LRMDA: variants seen among roughly 807,000 people sequenced by gnomAD.
The protein encoded by LRMDA is leucine-rich melanocyte differentiation-associated protein.
Under a neutral mutation model 29.8 loss-of-function variants are expected in LRMDA, and 18 were observed. That is an observed-to-expected ratio of 0.60 (90% CI 0.42 to 0.90). LRMDA has a LOEUF of 0.90. Ranked by LOEUF, LRMDA falls within the 40% of genes least tolerant of loss-of-function variation. The pLI is 0.00. For synonymous variants in LRMDA, 125 were observed against 109.4 expected (o/e 1.14, Z -0.89); for missense variants, 273 against 273.9 (o/e 1.00, Z 0.02).
At chr10:75,920,014 T>C (rs1846000974) in intron 2 of LRMDA, among the ~76,000 whole-genome samples, 4 of 152,144 alleles carry the variant, frequency 2.6e-5, no homozygotes, top group Admixed American at 2.0e-4. Flanking sequence ...CTTGACTAAA[T>C]CCCTTGAGTT....
chr10:76,182,406 A>G (rs1004641803), intron 5 of LRMDA, among the ~76,000 whole-genome samples: 1 of 152,208 alleles, frequency 6.6e-6, no homozygotes, highest in African/African-American at 2.4e-5. Context: ...GTGGGGACGC[A>G]GAGACAAACC....
intron 5 of LRMDA, among the ~76,000 whole-genome samples, chr10:76,184,902 A>G (rs1223305199): frequency 6.6e-6 from 1 of 152,224 alleles, no homozygotes; most frequent in Non-Finnish European, 1.5e-5. Flanking sequence ...CATATTGGCA[A>G]CTTGTCATAA....
intron 5 of LRMDA, among the ~76,000 whole-genome samples, chr10:76,169,834 A>G (rs766374007): frequency 2.0e-5 from 3 of 152,216 alleles, no homozygotes. Context: ...ATTGGGTGTG[A>G]TAGGAGAATT....
chr10:75,691,280 C>A (rs1236840011), intron 2 of LRMDA, among the ~76,000 whole-genome samples: 3 of 134,556 alleles, frequency 2.2e-5, no homozygotes, highest in East Asian at 4.7e-4. Flanking sequence ...ATATATATAT[C>A]TTTTTCTGGT....
intron 6 of LRMDA, among the ~76,000 whole-genome samples, chr10:76,427,193 G>A (rs1047515001): frequency 6.6e-6 from 1 of 150,958 alleles, no homozygotes; most frequent in Non-Finnish European, 1.5e-5. Flanking sequence ...ATTACCTTGG[G>A]CAGTATGGCC....
rs928516725 is a variant in LRMDA at position 76,499,377 on chromosome 10, G to A, written c.602-57832G>A. On this transcript the variant is annotated intron_variant, in intron 6 of 6. Coordinates refer to ENST00000611255, the MANE Select transcript of LRMDA (RefSeq NM_001305581.2). ...ATCTTTTGTGCCTGGTGTCTTTCAC[G>A]TAGCATGTTTTCAAGGTTCATCATA... 5.4e-5 allele frequency among the ~76,000 whole-genome samples: 4 copies of A among 74,496 alleles called. 1 individual carries two copies. Among genetic ancestry groups the A allele is most frequent in the East Asian group, 5.1e-4 (2 of 3,936 alleles). 48.9% of individuals were successfully genotyped at this position (74,496 alleles called of 152,430 possible).
At chr10:76,229,294 C>T (rs1010622420) in intron 5 of LRMDA, among the ~76,000 whole-genome samples, 5 of 152,128 alleles carry the variant, frequency 3.3e-5, no homozygotes, top group African/African-American at 4.8e-5. Context: ...CCAATAACCC[C>T]GTGAGATTCG....
chr10:75,768,149 G>C (rs75607508), intron 2 of LRMDA, among the ~76,000 whole-genome samples: 2,004 of 152,310 alleles, frequency 0.013, 46 homozygotes, highest in African/African-American at 0.046. Flanking sequence ...GTGCCCATTT[G>C]TTGTAACAGC....
intron 5 of LRMDA, among the ~76,000 whole-genome samples, chr10:76,251,985 T>A (rs543110896): frequency 3.9e-5 from 6 of 152,340 alleles, no homozygotes; most frequent in Admixed American, 1.3e-4. Flanking sequence ...TGTTTTGACT[T>A]AAAGTCTAAG....
At chr10:76,345,785 T>G (rs1038165138) in intron 6 of LRMDA, among the ~76,000 whole-genome samples, 8 of 152,060 alleles carry the variant, frequency 5.3e-5, no homozygotes, top group African/African-American at 1.9e-4. Context: ...AACCTAACAA[T>G]TACACATGGC....
intron 6 of LRMDA, among the ~76,000 whole-genome samples, chr10:76,471,784 G>GA (rs1046145738): frequency 6.6e-6 from 1 of 151,628 alleles, no homozygotes; most frequent in African/African-American, 2.4e-5. Flanking sequence ...ACGAATAGCA[G>GA]AAAAAAATAG....
At chr10:75,512,615 G>T (rs1318012959) in intron 2 of LRMDA, among the ~76,000 whole-genome samples, 1 of 152,172 alleles carries the variant, frequency 6.6e-6, no homozygotes, top group Non-Finnish European at 1.5e-5. Flanking sequence ...TGGTTCTTGG[G>T]AACTGGCAGC....
In LRMDA at chr10:76,324,481, C is replaced by G. The variant is rs1484544630; in HGVS notation, c.597C>G (p.His199Gln). 1 of 1,614,034 alleles carries G rather than the reference C, an allele frequency of 6.2e-7. No homozygotes were observed. The highest frequency in any genetic ancestry group is 1.3e-5 in the African/African-American group (1 of 75,020). ...LPSASRELTS[H>Q]QGVLGKCRYV... ...CTGCTTCCAGGGAACTCACCAGTCA[C>G]CAAGGTTGGAACTCAGCTTTTTATT... Residue 199 changes from histidine to glutamine, a missense_variant, in exon 6 of 7, where the codon CAC becomes CAG. By Grantham distance (24) the His-to-Gln change is conservative. Transcript: ENST00000611255.
chr10:76,104,124 G>T (rs1849441023), intron 5 of LRMDA, among the ~76,000 whole-genome samples: 1 of 151,742 alleles, frequency 6.6e-6, no homozygotes, highest in African/African-American at 2.4e-5. Flanking sequence ...GCCAGCTTTT[G>T]TGTGTGTTTG....
At chr10:75,965,002 G>A (rs939948039) in intron 2 of LRMDA, among the ~76,000 whole-genome samples, 1 of 152,150 alleles carries the variant, frequency 6.6e-6, no homozygotes, top group Non-Finnish European at 1.5e-5. Flanking sequence ...CTGATCTCAA[G>A]TGATCCACTC....
At chr10:76,265,853 T>C (rs1362385318) in intron 5 of LRMDA, among the ~76,000 whole-genome samples, 1 of 152,194 alleles carries the variant, frequency 6.6e-6, no homozygotes, top group Non-Finnish European at 1.5e-5. Flanking sequence ...GGGTGAGGGA[T>C]AGTATTCAGG....
At chr10:75,962,395 C>T (rs1280648778) in intron 2 of LRMDA, among the ~76,000 whole-genome samples, 2 of 152,226 alleles carry the variant, frequency 1.3e-5, no homozygotes, top group African/African-American at 2.4e-5. Flanking sequence ...CAGGCCTTAA[C>T]TTAGCATTAC....
chr10:76,288,488 C>T (rs750959187), intron 5 of LRMDA, among the ~76,000 whole-genome samples: 82 of 151,982 alleles, frequency 5.4e-4, no homozygotes, highest in Non-Finnish European at 8.2e-4. Flanking sequence ...ATGGTGAAGA[C>T]GCCAAAAGCA....
intron 6 of LRMDA, among the ~76,000 whole-genome samples, chr10:76,538,777 G>A (rs1843320727): frequency 6.6e-6 from 1 of 151,948 alleles, no homozygotes; most frequent in Non-Finnish European, 1.5e-5. Flanking sequence ...TTCCCTCCCT[G>A]AGGCAGAGCT....
Sources: gnomAD v4.1 joint callset for allele counts (sites outside exome capture counted in the v4.1 genomes callset) on GRCh38, gnomAD v4.1.1 for gene constraint, MANE v1.5 for transcripts, NCBI Gene and HGNC (gene_info 2026-07-23, HGNC 2026-07-21) for gene names.